The following KRTAP5-6 variants were observed in gnomAD, a reference collection of about 807,000 sequenced individuals.
KRTAP5-6 encodes keratin associated protein 5-6.
For synonymous variants in KRTAP5-6, 57 were observed against 61.7 expected, an observed-to-expected ratio of 0.92 and a Z score of 0.36; for missense variants, 175 against 157.6, an observed-to-expected ratio of 1.11 and a Z score of -0.59.
In KRTAP5-6 at chr11:1,697,595, C is replaced by A; in HGVS notation, c.350C>A (p.Ala117Asp). Residue 117 changes from alanine to aspartate, a missense_variant, in exon 1 of 1, where the codon GCC becomes GAC. Transcript: ENST00000382160. ...TGCTGCAAGCCCTGCTGTTCCCAGG[C>A]CAGCTGCTGTGTCCCCATTTGCTGC... is the stretch of plus-strand genomic sequence containing the variant. ...SSCCKPCCSQ[A>D]SCCVPICCQC... The A allele has an allele frequency of 6.2e-7, 1 of 1,614,098 alleles. No homozygotes were observed. The highest frequency in any genetic ancestry group is 8.5e-7 in the Non-Finnish European group (1 of 1,179,994).
Position 1,697,516 on chromosome 11 carries a change from T to C in KRTAP5-6, c.271T>C (p.Cys91Arg), listed in dbSNP as rs777727670. The C allele has an allele frequency of 1.2e-6, 2 of 1,614,016 alleles. No individual in the cohort carries two copies. Among genetic ancestry groups the C allele is most frequent in the Non-Finnish European group, 1.7e-6 (2 of 1,179,992 alleles). ...TTGTGGCTGCTCCCAGTGCAGTTGC[T>C]GCAAGCCCTGCTACTGTTCCTCAGG... ...GSCGCSQCSC[C>R]KPCYCSSGCG... The change falls in exon 1 of 1, where the codon TGC (cysteine) becomes CGC (arginine). Residue 91 changes from cysteine to arginine, a missense_variant. Transcript: ENST00000382160.
Position 1,697,379 on chromosome 11 carries a change from G to A in KRTAP5-6, c.134G>A (p.Cys45Tyr). Residue 45 changes from cysteine to tyrosine, a missense_variant, in exon 1 of 1, where the codon TGT becomes TAT. Physicochemically the swap from Cys to Tyr is radical, Grantham distance 194 (BLOSUM62 -2). Transcript: ENST00000382160. ...CKPVCCCVPA[C>Y]SCTSCGSCGG... ...CCCGTGTGCTGCTGTGTGCCAGCCT[G>A]TTCCTGCACCAGCTGTGGCTCTTGT... 10 of 1,613,052 alleles carry A rather than the reference G, an allele frequency of 6.2e-6. No individual in the cohort carries two copies. The highest frequency in any genetic ancestry group is 7.6e-6 in the Non-Finnish European group (9 of 1,179,956).
rs1483890030 is a variant in KRTAP5-6, at chr11:1,697,326, C to T, written c.81C>T (p.Ser27=). 2 of 1,613,320 alleles carry T rather than the reference C, an allele frequency of 1.2e-6. No individual in the cohort carries two copies. The highest frequency in any genetic ancestry group is 1.8e-4 in the Middle Eastern group (1 of 5,488). The change falls in exon 1 of 1, where the codon AGC becomes AGT. Residue 27 remains serine, a synonymous_variant. Coordinates refer to ENST00000382160, the MANE Select transcript of KRTAP5-6 (RefSeq NM_001012416.1). ...CTGGCTGTGGGGGCTGTGGGTCCAG[C>T]TGCTGTGTGCCCATCTGCTGCTGCA... ...CGSGCGGCGS[S]CCVPICCCKP...
Position 1,697,282 on chromosome 11 carries a change from G to C in KRTAP5-6, c.37G>C (p.Gly13Arg), listed in dbSNP as rs545751292. The C allele has an allele frequency of 6.2e-7, 1 of 1,612,576 alleles. No individual in the cohort carries two copies. The highest frequency in any genetic ancestry group is 8.5e-7 in the Non-Finnish European group (1 of 1,179,666). The change falls in exon 1 of 1, where the codon GGC becomes CGC. Residue 13 changes from glycine (G) to arginine (R), a missense_variant. Coordinates refer to ENST00000382160, the MANE Select transcript of KRTAP5-6 (RefSeq NM_001012416.1). ...CCGCSGGCGS[G>R]CGGCGSGCGG... ...TGGCTGCTCTGGAGGCTGTGGCTCC[G>C]GCTGTGGGGGCTGTGGCTCTGGCTG...
chr11:1,697,262 G>T lies in KRTAP5-6; in HGVS notation c.17G>T (p.Cys6Phe), dbSNP rs58645950. The change falls in exon 1 of 1, where the codon TGC becomes TTC. Residue 6 changes from cysteine (C) to phenylalanine (F), a missense_variant. Cys to Phe is a radical substitution (Grantham distance 205). Coordinates refer to ENST00000382160, the MANE Select transcript of KRTAP5-6 (RefSeq NM_001012416.1). ...ACCAGAACCATGGGCTGCTGTGGCT[G>T]CTCTGGAGGCTGTGGCTCCGGCTGT... Reference protein sequence around the residue: MGCCGCSGGCGSGCGG... With the variant: MGCCGFSGGCGSGCGG... 76,352 of 1,613,268 alleles carry T rather than the reference G, an allele frequency of 0.047. 4,031 individuals carry two copies. Among genetic ancestry groups the T allele is most frequent in the African/African-American group, 0.25 (18,946 of 74,908 alleles).
Position 1,697,406 on chromosome 11 carries a change from G to A in KRTAP5-6, c.161G>A (p.Gly54Glu). Reference sequence around the variant, plus strand: ...TCCTGCACCAGCTGTGGCTCTTGTGGGGGCTCCAAGGGGTGCTGTGGCTCT... The same window carrying A: ...TCCTGCACCAGCTGTGGCTCTTGTGAGGGCTCCAAGGGGTGCTGTGGCTCT... ...ACSCTSCGSC[G>E]GSKGCCGSCG... Residue 54 changes from glycine to glutamate, a missense_variant, in exon 1 of 1, where the codon GGG becomes GAG. Physicochemically the swap from Gly to Glu is moderately conservative, Grantham distance 98. Transcript: ENST00000382160. The A allele has an allele frequency of 6.2e-7, 1 of 1,612,748 alleles. No homozygotes were observed. Among genetic ancestry groups the A allele is most frequent in the Non-Finnish European group, 8.5e-7 (1 of 1,179,868 alleles).
At position 1,697,659 on chromosome 11, in the gene KRTAP5-6, G is replaced by A; in HGVS notation, c.*24G>A. 1 of 1,614,000 alleles carries A rather than the reference G, an allele frequency of 6.2e-7. No homozygotes were observed. The highest frequency in any genetic ancestry group is 1.1e-5 in the South Asian group (1 of 91,062). On this transcript the variant is annotated 3_prime_UTR_variant, in exon 1 of 1. Coordinates refer to ENST00000382160, the MANE Select transcript of KRTAP5-6 (RefSeq NM_001012416.1). ...GAGGCTCTGACTTTGGACCTCAGGTGAGTCCAGCATATCCACACCACCCAA... is the reference window on the plus strand; with the variant it reads ...GAGGCTCTGACTTTGGACCTCAGGTAAGTCCAGCATATCCACACCACCCAA...
Position 1,697,683 on chromosome 11 carries a change from A to T in KRTAP5-6, c.*48A>T. Reference sequence around the variant, plus strand: ...TGAGTCCAGCATATCCACACCACCCAAGAAGTGACCAGTGCTGCATTTCAG... The same window carrying T: ...TGAGTCCAGCATATCCACACCACCCTAGAAGTGACCAGTGCTGCATTTCAG... On this transcript the variant is annotated 3_prime_UTR_variant, in exon 1 of 1. Transcript: ENST00000382160. 6.2e-7 allele frequency: 1 copy of T among 1,611,242 alleles called. No individual in the cohort carries two copies. Among genetic ancestry groups the T allele is most frequent in the Non-Finnish European group, 8.5e-7 (1 of 1,178,142 alleles).
At position 1,697,377 on chromosome 11, in the gene KRTAP5-6, C is replaced by T. The variant is rs1850700624; in HGVS notation, c.132C>T (p.Ala44=). 6.2e-7 allele frequency: 1 copy of T among 1,612,812 alleles called. No homozygotes were observed. Among genetic ancestry groups the T allele is most frequent in the Non-Finnish European group, 8.5e-7 (1 of 1,179,940 alleles). Residue 44 remains alanine (A), a synonymous_variant, in exon 1 of 1, where the codon GCC becomes GCT. Transcript: ENST00000382160. ...CCKPVCCCVP[A]CSCTSCGSCG... Reference sequence around the variant, plus strand: ...AGCCCGTGTGCTGCTGTGTGCCAGCCTGTTCCTGCACCAGCTGTGGCTCTT... The same window carrying T: ...AGCCCGTGTGCTGCTGTGTGCCAGCTTGTTCCTGCACCAGCTGTGGCTCTT...
chr11:1,697,230 T>G lies in KRTAP5-6; in HGVS notation c.-16T>G. 1 of 1,612,880 alleles carries G rather than the reference T, an allele frequency of 6.2e-7. No homozygotes were observed. Among genetic ancestry groups the G allele is most frequent in the Non-Finnish European group, 8.5e-7 (1 of 1,179,964 alleles). On this transcript the variant is annotated 5_prime_UTR_variant, in exon 1 of 1. Coordinates refer to ENST00000382160, the MANE Select transcript of KRTAP5-6 (RefSeq NM_001012416.1). ...ACCTGCTCCTCTACCTGCTCCACCC[T>G]CAATCCACCAGAACCATGGGCTGCT... is the stretch of plus-strand genomic sequence containing the variant.
At position 1,697,647 on chromosome 11, in the gene KRTAP5-6, T is replaced by C. The variant is rs1850707142; in HGVS notation, c.*12T>C. 1 of 1,614,166 alleles carries C rather than the reference T, an allele frequency of 6.2e-7. No individual in the cohort carries two copies. The highest frequency in any genetic ancestry group is 2.2e-5 in the East Asian group (1 of 44,884). On this transcript the variant is annotated 3_prime_UTR_variant, in exon 1 of 1. Coordinates refer to ENST00000382160, the MANE Select transcript of KRTAP5-6 (RefSeq NM_001012416.1). ...AGTGCAAAATCTGAGGCTCTGACTT[T>C]GGACCTCAGGTGAGTCCAGCATATC...
rs747612088 is a variant in KRTAP5-6 at position 1,697,656 on chromosome 11, G to A, written c.*21G>A. 1 of 1,614,012 alleles carries A rather than the reference G, an allele frequency of 6.2e-7. No individual in the cohort carries two copies. The highest frequency in any genetic ancestry group is 2.2e-5 in the East Asian group (1 of 44,878). ...TCTGAGGCTCTGACTTTGGACCTCA[G>A]GTGAGTCCAGCATATCCACACCACC... On this transcript the variant is annotated 3_prime_UTR_variant, in exon 1 of 1. Transcript: ENST00000382160.
chr11:1,697,523 C>T lies in KRTAP5-6; in HGVS notation c.278C>T (p.Pro93Leu). The change falls in exon 1 of 1, where the codon CCC becomes CTC. Residue 93 changes from proline to leucine, a missense_variant. Pro to Leu is a moderately conservative substitution (Grantham distance 98). Transcript: ENST00000382160. ...CGCSQCSCCK[P>L]CYCSSGCGSS... ...TGCTCCCAGTGCAGTTGCTGCAAGC[C>T]CTGCTACTGTTCCTCAGGCTGTGGG... 1 of 1,613,930 alleles carries T rather than the reference C, an allele frequency of 6.2e-7. No individual in the cohort carries two copies. The highest frequency in any genetic ancestry group is 1.1e-5 in the South Asian group (1 of 91,046).
At position 1,697,611 on chromosome 11, in the gene KRTAP5-6, C is replaced by T. The variant is rs1430101400; in HGVS notation, c.366C>T (p.Pro122=). The change falls in exon 1 of 1, where the codon CCC becomes CCT. Residue 122 remains proline (P), a synonymous_variant. Transcript: ENST00000382160. ...GTTCCCAGGCCAGCTGCTGTGTCCC[C>T]ATTTGCTGCCAGTGCAAAATCTGAG... ...PCCSQASCCV[P]ICCQCKI is the part of the protein sequence containing the mutation. 1 of 1,614,170 alleles carries T rather than the reference C, an allele frequency of 6.2e-7. No individual in the cohort carries two copies. Among genetic ancestry groups the T allele is most frequent in the East Asian group, 2.2e-5 (1 of 44,890 alleles).
At position 1,697,452 on chromosome 11, in the gene KRTAP5-6, C is replaced by T; in HGVS notation, c.207C>T (p.Gly69=). The T allele has an allele frequency of 6.2e-7, 1 of 1,613,136 alleles. No homozygotes were observed. Among genetic ancestry groups the T allele is most frequent in the South Asian group, 1.1e-5 (1 of 90,992 alleles). ...GCTCTTGTGGGGGCTCCAAAGGGGGCTGTGGCTCTTGTGGGGGCTCCAAGG... is the reference window on the plus strand; with the variant it reads ...GCTCTTGTGGGGGCTCCAAAGGGGGTTGTGGCTCTTGTGGGGGCTCCAAGG... ...CCGSCGGSKG[G]CGSCGGSKGG... is the part of the protein sequence containing the mutation. Residue 69 remains glycine (G), a synonymous_variant, in exon 1 of 1, where the codon GGC becomes GGT. Transcript: ENST00000382160.
rs1850706159 is a variant in KRTAP5-6, at chr11:1,697,590, C to T, written c.345C>T (p.Ser115=). The stretch of plus-strand genomic sequence containing the variant: ...CCAGCTGCTGCAAGCCCTGCTGTTC[C>T]CAGGCCAGCTGCTGTGTCCCCATTT... ...CQSSCCKPCC[S]QASCCVPICC... Residue 115 remains serine (S), a synonymous_variant, in exon 1 of 1, where the codon TCC becomes TCT. Transcript: ENST00000382160. 1 of 1,613,900 alleles carries T rather than the reference C, an allele frequency of 6.2e-7. No homozygotes were observed. Among genetic ancestry groups the T allele is most frequent in the South Asian group, 1.1e-5 (1 of 91,078 alleles).
At position 1,697,463 on chromosome 11, in the gene KRTAP5-6, G is replaced by A. The variant is rs1290643095; in HGVS notation, c.218G>A (p.Cys73Tyr). The change falls in exon 1 of 1, where the codon TGT (cysteine) becomes TAT (tyrosine). Residue 73 changes from cysteine to tyrosine, a missense_variant. Transcript: ENST00000382160. ...CGGSKGGCGS[C>Y]GGSKGGCGSC... ...GGCTCCAAAGGGGGCTGTGGCTCTT[G>A]TGGGGGCTCCAAGGGAGGCTGTGGC... The A allele has an allele frequency of 6.2e-7, 1 of 1,613,448 alleles. No homozygotes were observed. The highest frequency in any genetic ancestry group is 1.3e-5 in the African/African-American group (1 of 74,834).
In KRTAP5-6 at chr11:1,697,279, T is replaced by C. The variant is rs368840578; in HGVS notation, c.34T>C (p.Ser12Pro). 1 of 1,613,418 alleles carries C rather than the reference T, an allele frequency of 6.2e-7. No homozygotes were observed. The highest frequency in any genetic ancestry group is 2.2e-5 in the East Asian group (1 of 44,870). ...GCCGCSGGCGSGCGGCGSGCG... is the reference protein window; with the variant it reads ...GCCGCSGGCGPGCGGCGSGCG... The stretch of plus-strand genomic sequence containing the variant: ...CTGTGGCTGCTCTGGAGGCTGTGGC[T>C]CCGGCTGTGGGGGCTGTGGCTCTGG... Residue 12 changes from serine to proline, a missense_variant, in exon 1 of 1, where the codon TCC (serine) becomes CCC (proline). Physicochemically the swap from Ser to Pro is moderately conservative, Grantham distance 74. Coordinates refer to ENST00000382160, the MANE Select transcript of KRTAP5-6 (RefSeq NM_001012416.1).
rs1193458018 is a variant in KRTAP5-6 at position 1,697,468 on chromosome 11, G to A, written c.223G>A (p.Gly75Ser). The A allele has an allele frequency of 2.5e-6, 4 of 1,613,278 alleles. No homozygotes were observed. Among genetic ancestry groups the A allele is most frequent in the Non-Finnish European group, 3.4e-6 (4 of 1,179,884 alleles). ...CAAAGGGGGCTGTGGCTCTTGTGGG[G>A]GCTCCAAGGGAGGCTGTGGCTCTTG... ...GSKGGCGSCG[G>S]SKGGCGSCGC... Residue 75 changes from glycine (G) to serine (S), a missense_variant, in exon 1 of 1, where the codon GGC becomes AGC. Physicochemically the swap from Gly to Ser is moderately conservative, Grantham distance 56 (BLOSUM62 0). Coordinates refer to ENST00000382160, the MANE Select transcript of KRTAP5-6 (RefSeq NM_001012416.1).
Sources: gnomAD v4.1 joint callset for allele counts on GRCh38, gnomAD v4.1.1 for gene constraint, MANE v1.5 for transcripts, NCBI Gene and HGNC (gene_info 2026-07-23, HGNC 2026-07-21) for gene names.